The following GOLGA4 variants were observed in gnomAD, a reference collection of about 807,000 sequenced individuals.
The protein encoded by GOLGA4 is golgin subfamily A member 4.
A neutral mutation model predicts 265.9 loss-of-function variants in GOLGA4; 169 were observed. The observed-to-expected ratio is 0.64, with a 90% CI of 0.56 to 0.72. The LOEUF (loss-of-function observed/expected upper bound fraction) is 0.72, where lower values mean the gene tolerates loss of function less well. GOLGA4 is among the 30% of genes least tolerant of loss of function. GOLGA4 has a pLI of 0.00. For synonymous variants in GOLGA4, 923 were observed against 855.8 expected (o/e 1.08, Z -1.37); for missense variants, 2,482 against 2,483.4 (o/e 1.00, Z 0.01).
At chr3:37,315,358 A>G in intron 10 of GOLGA4, 62 bp from the exon 11 acceptor site, 1 of 1,421,102 alleles carries the variant, frequency 7.0e-7, no homozygotes. Context: ...ATTGAATGTA[A>G]AACACTTTAG....
intron 19 of GOLGA4, 74 bp downstream of exon 19, chr3:37,337,808 T>A: frequency 1.0e-6 from 1 of 967,246 alleles, no homozygotes; most frequent in South Asian, 1.4e-5. Context: ...AGCTACTTTT[T>A]AAATAGTTGG....
At chr3:37,278,868 A>G (rs2096826973) in intron 2 of GOLGA4, among the ~76,000 whole-genome samples, 1 of 147,826 alleles carries the variant, frequency 6.8e-6, no homozygotes, top group Non-Finnish European at 1.5e-5. Context: ...GCTGTAGTGC[A>G]GTGGTGCAGT....
chr3:37,260,504 C>T lies in GOLGA4; in HGVS notation c.162+9020C>T, dbSNP rs956388586. 3.3e-5 allele frequency among the ~76,000 whole-genome samples: 5 copies of T among 152,046 alleles called. No homozygotes were observed. The South Asian group carries it at 6.2e-4, about 19-fold the overall frequency. On this transcript the variant is annotated intron_variant, in intron 2 of 23. Transcript: ENST00000361924. ...ATAAAAACTTAGCTAGGTATGTTGG[C>T]GGGCACCTGTAATCCCAGCTACTCA...
At chr3:37,312,031 C>A (rs1265870157) in intron 10 of GOLGA4, among the ~76,000 whole-genome samples, 2 of 152,084 alleles carry the variant, frequency 1.3e-5, no homozygotes, top group Admixed American at 6.5e-5. Context: ...TTTTATTTTA[C>A]TTAATTGACA....
intron 15 of GOLGA4, 139 bp downstream of exon 15, chr3:37,328,676 A>T: frequency 1.2e-6 from 1 of 849,018 alleles, no homozygotes; most frequent in African/African-American, 1.7e-5. Flanking sequence ...ACATTCTCTA[A>T]TGGGAACCTG....
chr3:37,363,638 C>T (rs1696512693), intron 23 of GOLGA4, among the ~76,000 whole-genome samples: 2 of 152,154 alleles, frequency 1.3e-5, no homozygotes, highest in African/African-American at 2.4e-5. Flanking sequence ...AAACTAAGTA[C>T]TTTAGCATGT....
chr3:37,287,430 A>T (rs1230817138), intron 4 of GOLGA4: 3 of 152,262 alleles, frequency 2.0e-5, no homozygotes, highest in Non-Finnish European at 4.4e-5. Context: ...ATATCTTTTC[A>T]ATAGAGCCAA....
At chr3:37,313,505 G>A (rs2096928554) in intron 10 of GOLGA4, 1 of 152,120 alleles carries the variant, frequency 6.6e-6, no homozygotes, top group African/African-American at 2.4e-5. Flanking sequence ...GTCTCCCTGG[G>A]ACATACGTTT....
intron 2 of GOLGA4, among the ~76,000 whole-genome samples, chr3:37,260,776 A>C (rs1234070282): frequency 6.6e-6 from 1 of 152,182 alleles, no homozygotes; most frequent in African/African-American, 2.4e-5. Flanking sequence ...GATGATAATC[A>C]AGCCTTTGTT....
chr3:37,264,029 G>A (rs931147951), intron 2 of GOLGA4, among the ~76,000 whole-genome samples: 3 of 152,350 alleles, frequency 2.0e-5, no homozygotes, highest in Middle Eastern at 6.8e-3. Flanking sequence ...TGAGATGACT[G>A]TCAGTGGACA....
chr3:37,364,827 A>G (rs1696624361), intron 23 of GOLGA4, among the ~76,000 whole-genome samples: 1 of 151,268 alleles, frequency 6.6e-6, no homozygotes, highest in Non-Finnish European at 1.5e-5. Context: ...CCTGGGCTCA[A>G]GCAGTCCTCT....
At chr3:37,290,864 A>G (rs1366308719) in intron 5 of GOLGA4, among the ~76,000 whole-genome samples, 7 of 152,140 alleles carry the variant, frequency 4.6e-5, no homozygotes, top group Admixed American at 3.9e-4. Flanking sequence ...AATAGAAAGA[A>G]AGTGCTTTTA....
chr3:37,361,193 T>C, intron 22 of GOLGA4, 50 bp from the exon 23 acceptor site: 1 of 1,326,648 alleles, frequency 7.5e-7, no homozygotes, highest in South Asian at 1.2e-5. Flanking sequence ...ATGTGTTATA[T>C]TAAGTCTTAA....
At chr3:37,260,602 C>T (rs1413902182) in intron 2 of GOLGA4, among the ~76,000 whole-genome samples, 2 of 147,946 alleles carry the variant, frequency 1.4e-5, no homozygotes, top group Non-Finnish European at 3.0e-5. Flanking sequence ...TATGCCACTG[C>T]ACTCCAGCCT....
At chr3:37,243,677 G>A (rs1236142869) in intron 1 of GOLGA4, 55 bp downstream of exon 1, 3 of 1,426,174 alleles carry the variant, frequency 2.1e-6, no homozygotes, top group East Asian at 2.3e-5. Flanking sequence ...GAACCGGCCC[G>A]CGGACGAAAG....
intron 2 of GOLGA4, among the ~76,000 whole-genome samples, chr3:37,262,385 T>C (rs955919477): frequency 6.6e-6 from 1 of 151,872 alleles, no homozygotes; most frequent in Non-Finnish European, 1.5e-5. Flanking sequence ...ACATACCTGT[T>C]ATCCCAGCTA....
rs763272448 is a variant in GOLGA4, at chr3:37,269,885, C to CT, written c.163-12047dup. 6.0e-3 allele frequency among the ~76,000 whole-genome samples: 477 copies of CT among 79,052 alleles called. 43 individuals carry two copies. Among genetic ancestry groups the CT allele is most frequent in the East Asian group, 8.8e-3 (28 of 3,180 alleles). 51.9% of individuals were successfully genotyped at this position (79,052 alleles called of 152,430 possible). A position where few individuals can be genotyped will look rare whatever the true frequency, so the allele number is the denominator to read the frequency against. The stretch of plus-strand genomic sequence containing the variant: ...GATATTTCAAACAATTGTAGGGTAG[C>CT]TTTTTTTTTTTTTTTTTTTTTTTTT... On this transcript the variant is annotated intron_variant, in intron 2 of 23. Transcript: ENST00000361924.
chr3:37,310,193 G>C (rs575050608), intron 10 of GOLGA4, among the ~76,000 whole-genome samples: 1 of 152,120 alleles, frequency 6.6e-6, no homozygotes, highest in Non-Finnish European at 1.5e-5. Context: ...GAGTAGAAGT[G>C]GGTCTTGTTA....
chr3:37,322,416 T>A (rs7639447), intron 13 of GOLGA4, among the ~76,000 whole-genome samples: 5 of 151,950 alleles, frequency 3.3e-5, no homozygotes, highest in African/African-American at 1.2e-4. Context: ...CCCTGTCTGA[T>A]CCTTTCCTTA....
Sources: gnomAD v4.1 joint callset for allele counts (sites outside exome capture counted in the v4.1 genomes callset) on GRCh38, gnomAD v4.1.1 for gene constraint, MANE v1.5 for transcripts, NCBI Gene and HGNC (gene_info 2026-07-23, HGNC 2026-07-21) for gene names.